ADAMTSL1: variants seen among roughly 807,000 people sequenced by gnomAD.
ADAMTSL1 encodes the protein ADAMTS-like protein 1.
In ADAMTSL1, 126 loss-of-function variants were observed where a neutral mutation model predicts 201.8. The ratio of observed to expected loss-of-function variants is 0.62; its 90% CI spans 0.54 to 0.72. The LOEUF is 0.72. ADAMTSL1 is among the 30% of genes least tolerant of loss of function. The pLI, the probability that ADAMTSL1 is intolerant of heterozygous loss-of-function variation, is 0.00. For missense variants in ADAMTSL1, 2,679 were observed against 2,277.8 expected (o/e 1.18, Z -3.59); for synonymous variants, 1,121 against 903.4 (o/e 1.24, Z -4.32).
intron 2 of ADAMTSL1, among the ~76,000 whole-genome samples, chr9:18,413,889 G>A (rs1357460932): frequency 6.6e-6 from 1 of 152,114 alleles, no homozygotes; most frequent in Non-Finnish European, 1.5e-5. Flanking sequence ...TGATATCCTG[G>A]CTAAATTTTC....
chr9:17,948,724 G>A (rs1398314410), intron 1 of ADAMTSL1, among the ~76,000 whole-genome samples: 2 of 152,142 alleles, frequency 1.3e-5, no homozygotes, highest in African/African-American at 4.8e-5. Context: ...AAAAGAAACT[G>A]GAAACTAGTT....
chr9:18,777,976 T>A, intron 19 of ADAMTSL1, 70 bp downstream of exon 19: 11 of 1,502,816 alleles, frequency 7.3e-6, no homozygotes, highest in Non-Finnish European at 9.8e-6. Context: ...TCACACTACT[T>A]ACACATTCTT....
chr9:18,687,232 A>C (rs888245266), intron 13 of ADAMTSL1, among the ~76,000 whole-genome samples: 1 of 152,210 alleles, frequency 6.6e-6, no homozygotes, highest in African/African-American at 2.4e-5. Flanking sequence ...CCTAAGTGTC[A>C]CTTTTTTTTA....
intron 16 of ADAMTSL1, among the ~76,000 whole-genome samples, chr9:18,761,855 C>G (rs901730350): frequency 6.6e-6 from 1 of 152,100 alleles, no homozygotes; most frequent in African/African-American, 2.4e-5. Context: ...GAGCAAAATC[C>G]CTGACATTTA....
intron 2 of ADAMTSL1, among the ~76,000 whole-genome samples, chr9:18,340,527 C>T (rs1388308833): frequency 6.6e-6 from 1 of 152,084 alleles, no homozygotes; most frequent in African/African-American, 2.4e-5. Flanking sequence ...AAGTAATCAC[C>T]AAGCTCTATT....
Position 17,936,042 on chromosome 9 carries a change from T to C in ADAMTSL1, c.87+29120T>C, listed in dbSNP as rs1225974594. 2.0e-5 allele frequency among the ~76,000 whole-genome samples: 3 copies of C among 152,206 alleles called. No homozygotes were observed. The East Asian group carries it at 5.8e-4, about 29-fold the overall frequency. ...GCTGTTCTTCTAACATTGCCAAGTGTGCTTCTACCTCAAGGCTTTGTATTT... is the reference window on the plus strand; with the variant it reads ...GCTGTTCTTCTAACATTGCCAAGTGCGCTTCTACCTCAAGGCTTTGTATTT... On this transcript the variant is annotated intron_variant, in intron 1 of 29. Coordinates refer to the ADAMTSL1 transcript ENST00000680146.
At position 18,639,412 on chromosome 9, in the gene ADAMTSL1, G is replaced by C. The variant is rs1564108992; in HGVS notation, c.834+1G>C. ...ACTCACAGCAGATTTCATTGTCAAGGTGAGCCCTATTTAGATACCTCCTTT... is the reference window on the plus strand; with the variant it reads ...ACTCACAGCAGATTTCATTGTCAAGCTGAGCCCTATTTAGATACCTCCTTT... On this transcript the variant is annotated splice_donor_variant, in intron 7 of 28. Coordinates refer to ENST00000380548, the MANE Select transcript of ADAMTSL1 (RefSeq NM_001040272.6). LOFTEE classifies it high-confidence loss of function. The C allele has an allele frequency of 6.2e-7, 1 of 1,611,690 alleles. No homozygotes were observed. Among genetic ancestry groups the C allele is most frequent in the Admixed American group, 1.7e-5 (1 of 59,730 alleles).
At chr9:18,634,026 G>C (rs1432919317) in intron 5 of ADAMTSL1, among the ~76,000 whole-genome samples, 3 of 152,066 alleles carry the variant, frequency 2.0e-5, no homozygotes, top group South Asian at 4.1e-4. Context: ...CTAGATTCAT[G>C]TCTATATTTA....
chr9:18,529,754 T>G (rs1431761181), intron 2 of ADAMTSL1, among the ~76,000 whole-genome samples: 1 of 152,152 alleles, frequency 6.6e-6, no homozygotes, highest in Non-Finnish European at 1.5e-5. Flanking sequence ...ATTACCACCT[T>G]AATATCATAT....
rs566682919 is a variant in ADAMTSL1 at position 18,118,209 on chromosome 9, A to G, written c.88-45653A>G. ...AGCCGTAGCTTCTATTCAGAAATGGAAAGACGGACAACAATTCTGGTTCAC... is the reference window on the plus strand; with the variant it reads ...AGCCGTAGCTTCTATTCAGAAATGGGAAGACGGACAACAATTCTGGTTCAC... On this transcript the variant is annotated intron_variant, in intron 1 of 29. Coordinates refer to the ADAMTSL1 transcript ENST00000680146. Among the ~76,000 whole-genome samples, 6 of 152,332 alleles carry G rather than the reference A, an allele frequency of 3.9e-5. No individual in the cohort carries two copies. The South Asian group carries it at 1.2e-3, about 32-fold the overall frequency.
At chr9:18,325,691 A>G (rs1688173027) in intron 2 of ADAMTSL1, among the ~76,000 whole-genome samples, 1 of 150,762 alleles carries the variant, frequency 6.6e-6, no homozygotes, top group African/African-American at 2.5e-5. Context: ...CAGAAAGGGA[A>G]GATAGTGTAA....
intron 1 of ADAMTSL1, among the ~76,000 whole-genome samples, chr9:17,932,185 A>C (rs1273292132): frequency 6.6e-6 from 1 of 152,180 alleles, no homozygotes; most frequent in Non-Finnish European, 1.5e-5. Flanking sequence ...CCATGGGCTC[A>C]AGCAGTGCTC....
chr9:18,663,151 G>T (rs1237440660), intron 9 of ADAMTSL1, among the ~76,000 whole-genome samples: 2 of 152,026 alleles, frequency 1.3e-5, no homozygotes, highest in Non-Finnish European at 2.9e-5. Flanking sequence ...TCAATTTCTT[G>T]AGGTGTATAT....
At chr9:18,150,590 A>T (rs1221584192) in intron 1 of ADAMTSL1, among the ~76,000 whole-genome samples, 1 of 152,062 alleles carries the variant, frequency 6.6e-6, no homozygotes, top group Non-Finnish European at 1.5e-5. Context: ...TAGTAGGAAC[A>T]GGAACACAAT....
chr9:18,081,655 T>G, intron 1 of ADAMTSL1, among the ~76,000 whole-genome samples: 1 of 152,248 alleles, frequency 6.6e-6, no homozygotes, highest in East Asian at 1.9e-4. Context: ...ACATAGTTTT[T>G]AAAATTAGAA....
intron 13 of ADAMTSL1, among the ~76,000 whole-genome samples, chr9:18,700,969 A>G (rs186240062): frequency 6.6e-5 from 10 of 152,320 alleles, no homozygotes; most frequent in African/African-American, 2.4e-4. Flanking sequence ...ATTTAGGCAA[A>G]TATGAATGCC....
intron 2 of ADAMTSL1, among the ~76,000 whole-genome samples, chr9:18,445,726 A>G (rs550198938): frequency 1.3e-5 from 2 of 152,256 alleles, no homozygotes; most frequent in South Asian, 4.1e-4. Context: ...CATCAGTTGA[A>G]TTTTTATAAA....
chr9:18,767,644 C>T (rs1027653682), intron 16 of ADAMTSL1, among the ~76,000 whole-genome samples: 3 of 152,216 alleles, frequency 2.0e-5, no homozygotes, highest in African/African-American at 7.2e-5. Context: ...GTACCAACTT[C>T]AATTCAATGC....
rs140889192 is a variant in ADAMTSL1, at chr9:18,052,624, C to G, written c.88-111238C>G. On this transcript the variant is annotated intron_variant, in intron 1 of 29. Transcript: ENST00000680146. The stretch of plus-strand genomic sequence containing the variant: ...CAGTTGAAATGTGAGGCCAATAGTA[C>G]CCCCTAACAGTGTTGTCCTGAGGAT... Among the ~76,000 whole-genome samples, 346 of 152,250 alleles carry G rather than the reference C, an allele frequency of 2.3e-3. 2 individuals carry two copies. The highest frequency in any genetic ancestry group is 7.9e-3 in the African/African-American group (329 of 41,534).
Sources: allele counts gnomAD v4.1 joint callset (sites outside exome capture counted in the v4.1 genomes callset), GRCh38; gene constraint gnomAD v4.1.1; transcripts MANE v1.5; gene names NCBI Gene and HGNC (gene_info 2026-07-23, HGNC 2026-07-21).